WDR64: variants seen among roughly 807,000 people sequenced by gnomAD.
WDR64 encodes the protein WD repeat-containing protein 64.
In WDR64, 112 loss-of-function variants were observed where a neutral mutation model predicts 139.3. That is an observed-to-expected ratio of 0.80 (90% CI 0.69 to 0.94). The LOEUF (loss-of-function observed/expected upper bound fraction) is 0.94. WDR64 is among the 40% of genes least tolerant of loss of function. The pLI is 0.00. For synonymous variants in WDR64, 444 were observed against 437.7 expected (o/e 1.01, Z -0.18); for missense variants, 1,206 against 1,293.1 (o/e 0.93, Z 1.03).
intron 15 of WDR64, among the ~76,000 whole-genome samples, chr1:241,764,342 T>A (rs1658050991): frequency 6.6e-6 from 1 of 152,122 alleles, no homozygotes; most frequent in South Asian, 2.1e-4. Flanking sequence ...AACAGGCTAC[T>A]TCCTGTTTTA....
chr1:241,775,011 T>C, intron 20 of WDR64, 94 bp from the exon 21 acceptor site: 2 of 933,608 alleles, frequency 2.1e-6, no homozygotes, highest in East Asian at 2.6e-5. Context: ...ATTCTTGAGA[T>C]GCATTATTTA....
rs1005843897 is a variant in WDR64 at position 241,663,198 on chromosome 1, G to A, written c.276+2538G>A. Among the ~76,000 whole-genome samples the A allele has an allele frequency of 2.6e-5, 4 of 152,120 alleles. No homozygotes were observed. In the East Asian group the frequency reaches 5.8e-4, roughly 22 times the overall value. ...AAAGACAGCAGAATAATAATTGAGA[G>A]GCTTAGTTTGTAAAGATACCAACTG... is the stretch of plus-strand genomic sequence containing the variant. On this transcript the variant is annotated intron_variant, in intron 2 of 27. Coordinates refer to ENST00000437684, the MANE Select transcript of WDR64 (RefSeq NM_001367482.1).
intron 2 of WDR64, among the ~76,000 whole-genome samples, chr1:241,662,046 A>G (rs535235839): frequency 6.6e-6 from 1 of 152,364 alleles, no homozygotes; most frequent in East Asian, 1.9e-4. Flanking sequence ...AAAAGTAAAA[A>G]AAGATGTCTA....
intron 5 of WDR64, among the ~76,000 whole-genome samples, 196 bp downstream of exon 5, chr1:241,678,412 C>A (rs536423825): frequency 6.6e-6 from 1 of 152,114 alleles, no homozygotes; most frequent in Non-Finnish European, 1.5e-5. Context: ...TCTTGCTTTC[C>A]GGAGTTAAAC....
rs1669676188 is a variant in WDR64 at position 241,744,500 on chromosome 1, C to T, written c.1578C>T (p.Ala526=). ...TCGATGAAAGTGGATTTCTTTTTGCCACAGGAGCGTATAATGGTCAGACTA... is the reference window on the plus strand; with the variant it reads ...TCGATGAAAGTGGATTTCTTTTTGCTACAGGAGCGTATAATGGTCAGACTA... The part of the protein sequence containing the change: ...AAVDESGFLF[A]TGAYNGTVRI... The change falls in exon 13 of 28, where the codon GCC becomes GCT. Residue 526 remains alanine, a synonymous_variant. Transcript: ENST00000437684. The T allele has an allele frequency of 1.2e-6, 2 of 1,614,048 alleles. No individual in the cohort carries two copies. The highest frequency in any genetic ancestry group is 1.7e-6 in the Non-Finnish European group (2 of 1,179,980).
Position 241,687,477 on chromosome 1 carries a change from C to A in WDR64, c.856C>A (p.His286Asn). 1 of 1,613,902 alleles carries A rather than the reference C, an allele frequency of 6.2e-7. No homozygotes were observed. Among genetic ancestry groups the A allele is most frequent in the Non-Finnish European group, 8.5e-7 (1 of 1,179,932 alleles). Residue 286 changes from histidine (H) to asparagine (N), a missense_variant, in exon 8 of 28, where the codon CAT becomes AAT. Transcript: ENST00000437684. ...AATCCCCAGTGTTAAAAGGAAGCTA[C>A]ATAATGACTGGGTTATGAAAATTAG... Reference protein sequence around the residue: ...KNFKSVKRKLHNDWVMKIRYI... With the variant: ...KNFKSVKRKLNNDWVMKIRYI...
At chr1:241,760,950 G>A (rs1657850968) in intron 15 of WDR64, among the ~76,000 whole-genome samples, 1 of 151,558 alleles carries the variant, frequency 6.6e-6, no homozygotes, top group South Asian at 2.1e-4. Context: ...TTTTGACAGT[G>A]TGTCTTTGGG....
At chr1:241,749,418 T>C (rs1558505950) in intron 13 of WDR64, 129 bp from the exon 14 acceptor site, 1 of 1,069,784 alleles carries the variant, frequency 9.3e-7, no homozygotes, top group East Asian at 2.4e-5. Context: ...CTCACCCATC[T>C]GAGTAGGGAA....
rs1658334544 is a variant in WDR64 at position 241,769,500 on chromosome 1, T to C, written c.2178T>C (p.Cys726=). ...TGTTCCTCTTTCGTACCCCTGAATG[T>C]GCAAGGTAACTCGTTACTTACTGAA... ...DILFLFRTPE[C]ARRSSQDSIC... is the part of the protein sequence containing the mutation. The change falls in exon 17 of 28, where the codon TGT becomes TGC. Residue 726 remains cysteine, a synonymous_variant. Coordinates refer to ENST00000437684, the MANE Select transcript of WDR64 (RefSeq NM_001367482.1). 2 of 1,551,120 alleles carry C rather than the reference T, an allele frequency of 1.3e-6. No individual in the cohort carries two copies. The highest frequency in any genetic ancestry group is 1.7e-6 in the Non-Finnish European group (2 of 1,146,678).
chr1:241,672,121 G>A (rs902952193), intron 3 of WDR64, among the ~76,000 whole-genome samples: 2 of 152,134 alleles, frequency 1.3e-5, no homozygotes, highest in African/African-American at 2.4e-5. Context: ...ATTGCAGTGA[G>A]CTTAGATGCC....
At position 241,749,001 on chromosome 1, in the gene WDR64, C is replaced by T. The variant is rs570416264; in HGVS notation, c.1595-546C>T. ...GAAAAGAAAAGAAAAACACTCGACA[C>T]TTTTCTTTCACTTTCCTCCCACGTA... On this transcript the variant is annotated intron_variant, in intron 13 of 27. Transcript: ENST00000437684. 2.6e-5 allele frequency among the ~76,000 whole-genome samples: 4 copies of T among 151,990 alleles called. No individual in the cohort carries two copies. The East Asian group carries it at 7.7e-4, about 29-fold the overall frequency.
chr1:241,748,449 G>A (rs931033413), intron 13 of WDR64, among the ~76,000 whole-genome samples: 3 of 152,092 alleles, frequency 2.0e-5, no homozygotes, highest in African/African-American at 7.2e-5. Context: ...ATGACAAAGG[G>A]GCAAGGCAGA....
At chr1:241,797,431 G>A (rs1280320557) in intron 27 of WDR64, among the ~76,000 whole-genome samples, 2 of 152,120 alleles carry the variant, frequency 1.3e-5, no homozygotes, top group Admixed American at 1.3e-4. Context: ...ACATTTAGGA[G>A]GAAGATATAG....
chr1:241,671,251 C>T, intron 3 of WDR64, 75 bp downstream of exon 3: 2 of 1,011,460 alleles, frequency 2.0e-6, no homozygotes, highest in Non-Finnish European at 2.9e-6. Flanking sequence ...ACTATATTTT[C>T]CATAGAATCA....
intron 8 of WDR64, among the ~76,000 whole-genome samples, chr1:241,692,392 A>G (rs1275974540): frequency 1.3e-5 from 2 of 152,272 alleles, no homozygotes; most frequent in East Asian, 3.8e-4. Context: ...AAGTCAAGAC[A>G]TAAAGCTATA....
In WDR64 at chr1:241,801,780, C is replaced by T. The variant is rs191746925; in HGVS notation, c.*565C>T. ...CCTGACTCCAGATAAATATAAAAGA[C>T]GGCAAAGAAAGGAAGAAAAATGGGT... On this transcript the variant is annotated 3_prime_UTR_variant, in exon 28 of 28. Transcript: ENST00000437684. The T allele has an allele frequency of 2.7e-3, 1,081 of 397,792 alleles. 8 individuals are homozygous for T. Among genetic ancestry groups the T allele is most frequent in the Non-Finnish European group, 2.4e-3 (545 of 225,880 alleles). The allele number at this position is 397,792 out of a possible 1,614,324, so 24.6% of individuals were successfully genotyped here.
chr1:241,708,332 T>C (rs72768080), intron 8 of WDR64, among the ~76,000 whole-genome samples: 23,879 of 152,230 alleles, frequency 0.16, 2,262 homozygotes, highest in Middle Eastern at 0.34. Flanking sequence ...ATTGTAAGAA[T>C]TTTTTATTTT....
At chr1:241,713,392 A>C (rs1668261386) in intron 9 of WDR64, among the ~76,000 whole-genome samples, 1 of 119,606 alleles carries the variant, frequency 8.4e-6, no homozygotes, top group Non-Finnish European at 1.7e-5. Flanking sequence ...AAAGGAAGGA[A>C]GGAAGGGAGG....
At chr1:241,653,613 G>A (rs1364367473) in intron 1 of WDR64, among the ~76,000 whole-genome samples, 2 of 148,490 alleles carry the variant, frequency 1.3e-5, no homozygotes. Flanking sequence ...GTGCGATCTC[G>A]GCTCTCTGCA....
Sources: gnomAD v4.1 joint callset for allele counts (sites outside exome capture counted in the v4.1 genomes callset) on GRCh38, gnomAD v4.1.1 for gene constraint, MANE v1.5 for transcripts, NCBI Gene and HGNC (gene_info 2026-07-23, HGNC 2026-07-21) for gene names.